Variants in CYP11B1 observed in about 807,000 individuals in gnomAD.
The protein encoded by CYP11B1 is cytochrome P450 family 11 subfamily B member 1, also known as cytochrome P450 11B1, mitochondrial.
In CYP11B1, 34 loss-of-function variants were observed where a neutral mutation model predicts 48.3. The observed-to-expected ratio is 0.70, with a 90% CI of 0.54 to 0.94. The LOEUF (loss-of-function observed/expected upper bound fraction) is 0.94, where lower values mean the gene tolerates loss of function less well. Ranked by LOEUF, CYP11B1 falls within the 40% of genes least tolerant of loss-of-function variation. The pLI is 0.00. For missense variants in CYP11B1, 688 were observed against 657.4 expected, an observed-to-expected ratio of 1.05 and a Z score of -0.51; for synonymous variants, 291 against 262.5, an observed-to-expected ratio of 1.11 and a Z score of -1.05.
Position 142,875,794 on chromosome 8 carries a change from C to G in CYP11B1, c.1039G>C (p.Ala347Pro). ...GGATGTTCACTGATGCTGGCTGCGG[C>G]GGCCAGGCTCTCCTGGCGCAGGGCC... Reference protein sequence around the residue: ...QQALRQESLAAAASISEHPQK... With the variant: ...QQALRQESLAPAASISEHPQK... Residue 347 changes from alanine (A) to proline (P), a missense_variant, in exon 6 of 9, where the codon GCC becomes CCC. Coordinates refer to ENST00000292427, the MANE Select transcript of CYP11B1 (RefSeq NM_000497.4). 6.2e-7 allele frequency: 1 copy of G among 1,614,064 alleles called. No homozygotes were observed. Among genetic ancestry groups the G allele is most frequent in the Non-Finnish European group, 8.5e-7 (1 of 1,179,998 alleles).
In CYP11B1 at chr8:142,879,449, C is replaced by A. The variant is rs745999251; in HGVS notation, c.239+126G>T. On this transcript the variant is annotated intron_variant, in intron 1 of 8. Coordinates refer to ENST00000292427, the MANE Select transcript of CYP11B1 (RefSeq NM_000497.4). ...AGACCAGCACGTGCTGCACTCCTTC[C>A]CCATCTTCCAAAGGATGCAGAGTGC... is the stretch of plus-strand genomic sequence containing the variant. The A allele has an allele frequency of 2.3e-5, 37 of 1,613,630 alleles. 1 individual carries two copies. The highest frequency in any genetic ancestry group is 3.3e-4 in the Middle Eastern group (2 of 6,084).
Position 142,875,306 on chromosome 8 carries a change from G to A in CYP11B1, c.1128C>T (p.Tyr376=), listed in dbSNP as rs760880418. Reference sequence around the variant, plus strand: ...CTCGCTCCAGAAACAGACCCACAGGGTAGAGCCTGGAGGTGGGGGCATCCA... The same window carrying A: ...CTCGCTCCAGAAACAGACCCACAGGATAGAGCCTGGAGGTGGGGGCATCCA... ...RAALKETLRL[Y]PVGLFLERVA... The change falls in exon 7 of 9, where the codon TAC becomes TAT. Residue 376 remains tyrosine, a synonymous_variant. Transcript: ENST00000292427. 2.5e-6 allele frequency: 4 copies of A among 1,612,918 alleles called. No homozygotes were observed. The highest frequency in any genetic ancestry group is 2.2e-5 in the East Asian group (1 of 44,702).
rs764827972 is a variant in CYP11B1 at position 142,875,746 on chromosome 8, G to C, written c.1087C>G (p.Pro363Ala). The change falls in exon 6 of 9, where the codon CCC becomes GCC. Residue 363 changes from proline to alanine, a missense_variant. Transcript: ENST00000292427. ...TCCTTGAGGGCCGCACGCAGCAAGG[G>C]CAGCTCGGTGGTTGCCTTCTGGGGA... ...EHPQKATTEL[P>A]LLRAALKETL... The C allele has an allele frequency of 6.2e-7, 1 of 1,614,068 alleles. No homozygotes were observed. The highest frequency in any genetic ancestry group is 1.7e-5 in the Admixed American group (1 of 60,016).
chr8:142,878,338 C>G (rs1054203502), intron 2 of CYP11B1, among the ~76,000 whole-genome samples: 2 of 152,156 alleles, frequency 1.3e-5, no homozygotes, highest in African/African-American at 2.4e-5. Context: ...TGGGGGCTGT[C>G]GCCACTGTGA....
chr8:142,878,543 C>T (rs992416239), intron 2 of CYP11B1, among the ~76,000 whole-genome samples: 5 of 152,230 alleles, frequency 3.3e-5, no homozygotes, highest in African/African-American at 1.2e-4. Flanking sequence ...CCACCTGCAT[C>T]CCCACCTGCC....
Position 142,874,901 on chromosome 8 carries a change from C to A in CYP11B1, c.1398+56G>T. 18 of 1,601,768 alleles carry A rather than the reference C, an allele frequency of 1.1e-5. 1 individual carries two copies. In the South Asian group the frequency reaches 2.0e-4, roughly 18 times the overall value. On this transcript the variant is annotated intron_variant, in intron 8 of 8. Coordinates refer to ENST00000292427, the MANE Select transcript of CYP11B1 (RefSeq NM_000497.4). ...GAGGCCAGTCCCACATTGCTCAAGC[C>A]CCGCCCATGCTGCCCAGACCCCGCC...
chr8:142,873,774 G>A lies in CYP11B1; in HGVS notation c.*599C>T, dbSNP rs1816856271. ...GGGAACACACGTCCCTCGAGACTCA[G>A]TTGTATCACTTGAAAATGGGGATGT... On this transcript the variant is annotated 3_prime_UTR_variant, in exon 9 of 9. Transcript: ENST00000292427. The A allele has an allele frequency of 6.0e-6, 1 of 167,878 alleles. No individual in the cohort carries two copies. The highest frequency in any genetic ancestry group is 1.5e-4 in the South Asian group (1 of 6,740). 10.4% of individuals were successfully genotyped at this position (167,878 alleles called of 1,614,324 possible).
At position 142,874,304 on chromosome 8, in the gene CYP11B1, G is replaced by A; in HGVS notation, c.*69C>T. On this transcript the variant is annotated 3_prime_UTR_variant, in exon 9 of 9. Transcript: ENST00000292427. Reference sequence around the variant, plus strand: ...GAAGCTGTGCATGTGGGAGAGAAGAGGGGTGGCCTGGGGTCAGGCAGAAAG... The same window carrying A: ...GAAGCTGTGCATGTGGGAGAGAAGAAGGGTGGCCTGGGGTCAGGCAGAAAG... The A allele has an allele frequency of 9.7e-7, 1 of 1,032,296 alleles. No homozygotes were observed. Among genetic ancestry groups the A allele is most frequent in the East Asian group, 2.4e-5 (1 of 42,262 alleles). 63.9% of individuals were successfully genotyped at this position (1,032,296 alleles called of 1,614,324 possible).
In CYP11B1 at chr8:142,879,415, C is replaced by G. The variant is rs575146428; in HGVS notation, c.239+160G>C. On this transcript the variant is annotated intron_variant, in intron 1 of 8. Coordinates refer to ENST00000292427, the MANE Select transcript of CYP11B1 (RefSeq NM_000497.4). ...TGCTCTGCACCATCCCCTGCCCTGG[C>G]AGCGCCACAGACCAGCACGTGCTGC... 35 of 1,612,942 alleles carry G rather than the reference C, an allele frequency of 2.2e-5. No homozygotes were observed. In the African/African-American group the frequency reaches 4.3e-4, roughly 20 times the overall value.
At chr8:142,876,109 A>T in intron 5 of CYP11B1, 132 bp downstream of exon 5, 1 of 1,351,522 alleles carries the variant, frequency 7.4e-7, no homozygotes, top group South Asian at 1.2e-5. Flanking sequence ...ATCACATCAC[A>T]ATCCCAAGTA....
At position 142,879,109 on chromosome 8, in the gene CYP11B1, C is replaced by G; in HGVS notation, c.318G>C (p.Leu106=). 1 of 1,614,024 alleles carries G rather than the reference C, an allele frequency of 6.2e-7. No individual in the cohort carries two copies. The highest frequency in any genetic ancestry group is 8.5e-7 in the Non-Finnish European group (1 of 1,179,876). ...GCTCCAGGCTCATCCTGTGGGGATG[C>G]AGGCTGTCCACCTGTTGCAGCTTCT... ...DVEKLQQVDS[L]HPHRMSLEPW... The change falls in exon 2 of 9, where the codon CTG becomes CTC. Residue 106 remains leucine (L), a synonymous_variant. Transcript: ENST00000292427.
chr8:142,878,541 A>G (rs959846700), intron 2 of CYP11B1, among the ~76,000 whole-genome samples: 9 of 152,214 alleles, frequency 5.9e-5, no homozygotes, highest in Non-Finnish European at 7.3e-5. Context: ...AGCCACCTGC[A>G]TCCCCACCTG....
intron 6 of CYP11B1, 127 bp from the exon 7 acceptor site, chr8:142,875,439 C>T: frequency 7.0e-6 from 9 of 1,284,852 alleles, no homozygotes; most frequent in Non-Finnish European, 9.9e-6. Context: ...GTAGGAAGTG[C>T]TTCCTTGCAC....
chr8:142,877,071 T>G lies in CYP11B1; in HGVS notation c.547A>C (p.Ser183Arg). ...CTGGGCTGGACGTCCAGGGTCAGGCTCCCCCGGGCGTTCTGCAGCACCTTC... is the reference window on the plus strand; with the variant it reads ...CTGGGCTGGACGTCCAGGGTCAGGCGCCCCCGGGCGTTCTGCAGCACCTTC... ...KKKVLQNARG[S>R]LTLDVQPSIF... is the part of the protein sequence containing the mutation. The change falls in exon 3 of 9, where the codon AGC becomes CGC. Residue 183 changes from serine (S) to arginine (R), a missense_variant. Ser to Arg is a moderately radical substitution (Grantham distance 110). Coordinates refer to ENST00000292427, the MANE Select transcript of CYP11B1 (RefSeq NM_000497.4). 6.2e-7 allele frequency: 1 copy of G among 1,613,686 alleles called. No homozygotes were observed. The highest frequency in any genetic ancestry group is 1.7e-4 in the Middle Eastern group (1 of 6,060).
chr8:142,875,745 G>A lies in CYP11B1; in HGVS notation c.1088C>T (p.Pro363Leu). ...EHPQKATTEL[P>L]LLRAALKETL... ...CTCCTTGAGGGCCGCACGCAGCAAG[G>A]GCAGCTCGGTGGTTGCCTTCTGGGG... is the stretch of plus-strand genomic sequence containing the variant. The change falls in exon 6 of 9, where the codon CCC becomes CTC. Residue 363 changes from proline (P) to leucine (L), a missense_variant. Transcript: ENST00000292427. 1 of 1,614,074 alleles carries A rather than the reference G, an allele frequency of 6.2e-7. No homozygotes were observed. The highest frequency in any genetic ancestry group is 8.5e-7 in the Non-Finnish European group (1 of 1,180,018).
chr8:142,877,961 C>T (rs903050229), intron 2 of CYP11B1: 2 of 707,046 alleles, frequency 2.8e-6, no homozygotes, highest in South Asian at 3.7e-5. Context: ...TGAAGAGACA[C>T]ATGTACACAT....
chr8:142,874,882 A>G, intron 8 of CYP11B1, 75 bp downstream of exon 8: 1 of 1,564,940 alleles, frequency 6.4e-7, no homozygotes, highest in Non-Finnish European at 8.7e-7. Context: ...TGCCGAGGCC[A>G]GTCCCACATT....
At position 142,875,160 on chromosome 8, in the gene CYP11B1, G is replaced by A. The variant is rs2130266943; in HGVS notation, c.1201-6C>T. Reference sequence around the variant, plus strand: ...AGGAACACGCGCACCAATGTCTGCGGACGGTGCAGAGCGGGGATCAGGGAA... The same window carrying A: ...AGGAACACGCGCACCAATGTCTGCGAACGGTGCAGAGCGGGGATCAGGGAA... On this transcript the variant is annotated splice_polypyrimidine_tract_variant and splice_region_variant and intron_variant, in intron 7 of 8. Transcript: ENST00000292427. 1 of 1,614,258 alleles carries A rather than the reference G, an allele frequency of 6.2e-7. No homozygotes were observed. Among genetic ancestry groups the A allele is most frequent in the Non-Finnish European group, 8.5e-7 (1 of 1,180,046 alleles).
chr8:142,876,097 T>C (rs1816937972), intron 5 of CYP11B1, 144 bp downstream of exon 5: 1 of 1,285,292 alleles, frequency 7.8e-7, no homozygotes. Context: ...GCAAACGTGT[T>C]TATCACATCA....
Sources: allele counts gnomAD v4.1 joint callset (sites outside exome capture counted in the v4.1 genomes callset), GRCh38; gene constraint gnomAD v4.1.1; transcripts MANE v1.5; gene names NCBI Gene and HGNC (gene_info 2026-07-23, HGNC 2026-07-21).